Variants in PLD5 observed in about 807,000 individuals in gnomAD.
PLD5 encodes inactive phospholipase D5.
PLD5 carries 36 observed loss-of-function variants against 61.1 expected under a neutral mutation model. The ratio of observed to expected loss-of-function variants is 0.59; its 90% confidence interval spans 0.45 to 0.78. The LOEUF is 0.78. PLD5 is among the 30% of genes least tolerant of loss of function. The pLI is 0.00. For synonymous variants in PLD5, 243 were observed against 242.8 expected, an observed-to-expected ratio of 1.00 and a Z score of -0.01; for missense variants, 515 against 644.4, an observed-to-expected ratio of 0.80 and a Z score of 2.17.
intron 1 of PLD5, among the ~76,000 whole-genome samples, chr1:242,454,331 CA>C (rs34186124): frequency 0.091 from 11,636 of 127,990 alleles, 891 homozygotes; most frequent in African/African-American, 0.22. Flanking sequence ...GACTCCGTGT[CA>C]AAAAAAAAAA....
At chr1:242,454,753 G>A (rs1040841392) in intron 1 of PLD5, among the ~76,000 whole-genome samples, 1 of 152,176 alleles carries the variant, frequency 6.6e-6, no homozygotes, top group African/African-American at 2.4e-5. Flanking sequence ...GTAGATCAGA[G>A]TGTGTTCCAG....
intron 5 of PLD5, among the ~76,000 whole-genome samples, chr1:242,200,881 A>C (rs1162979191): frequency 4.6e-5 from 7 of 152,232 alleles, no homozygotes; most frequent in Non-Finnish European, 8.8e-5. Flanking sequence ...GTTTATTAAC[A>C]TGTTATGCGT....
intron 2 of PLD5, among the ~76,000 whole-genome samples, chr1:242,342,773 T>C (rs1659910141): frequency 6.6e-6 from 1 of 151,898 alleles, no homozygotes; most frequent in South Asian, 2.1e-4. Flanking sequence ...GGTCATTTAC[T>C]GGCAAAGATC....
At chr1:242,312,486 G>A (rs1676759921) in intron 2 of PLD5, among the ~76,000 whole-genome samples, 1 of 151,886 alleles carries the variant, frequency 6.6e-6, no homozygotes, top group Non-Finnish European at 1.5e-5. Context: ...GCTTCTTCTT[G>A]GGGTCTCACC....
chr1:242,460,407 C>T (rs12127140), intron 1 of PLD5, among the ~76,000 whole-genome samples: 27,429 of 152,124 alleles, frequency 0.18, 2,989 homozygotes, highest in Non-Finnish European at 0.24. Context: ...GAGAGAGCCC[C>T]GTTGCATTGC....
At chr1:242,145,024 CTA>C (rs1454825750) in intron 5 of PLD5, among the ~76,000 whole-genome samples, 1 of 152,170 alleles carries the variant, frequency 6.6e-6, no homozygotes, top group East Asian at 1.9e-4. Flanking sequence ...CTCAGAACAA[CTA>C]TGTTAGGTAG....
intron 1 of PLD5, among the ~76,000 whole-genome samples, chr1:242,469,592 C>G (rs1343822515): frequency 6.6e-6 from 1 of 152,204 alleles, no homozygotes; most frequent in East Asian, 1.9e-4. Context: ...CTCACTGTAA[C>G]CTTGAACTCC....
At chr1:242,108,290 T>C (rs72761224) in intron 7 of PLD5, among the ~76,000 whole-genome samples, 29,763 of 152,122 alleles carry the variant, frequency 0.2, 3,108 homozygotes, top group Non-Finnish European at 0.23. Context: ...CATCTGAGCT[T>C]CCCCACACTT....
intron 1 of PLD5, among the ~76,000 whole-genome samples, chr1:242,459,248 C>T (rs916250202): frequency 2.0e-5 from 3 of 152,290 alleles, no homozygotes; most frequent in African/African-American, 7.2e-5. Flanking sequence ...AGTAAAACGC[C>T]ATTTACAAGG....
chr1:242,233,035 T>A (rs1054161350), intron 4 of PLD5, among the ~76,000 whole-genome samples: 2 of 152,026 alleles, frequency 1.3e-5, no homozygotes, highest in African/African-American at 2.4e-5. Flanking sequence ...GAGCCTGTAA[T>A]CCCAGCTACT....
chr1:242,518,497 G>C (rs749364929), intron 1 of PLD5, among the ~76,000 whole-genome samples: 1 of 152,162 alleles, frequency 6.6e-6, no homozygotes, highest in South Asian at 2.1e-4. Flanking sequence ...AATTCAGTAA[G>C]AGAACATAAC....
chr1:242,369,932 A>C (rs1226259354), intron 1 of PLD5, among the ~76,000 whole-genome samples: 1 of 152,220 alleles, frequency 6.6e-6, no homozygotes, highest in Non-Finnish European at 1.5e-5. Flanking sequence ...CTAGAGAATG[A>C]CAGAACTGCC....
At chr1:242,150,502 C>T (rs1664852074) in intron 5 of PLD5, among the ~76,000 whole-genome samples, 3 of 151,742 alleles carry the variant, frequency 2.0e-5, no homozygotes, top group Admixed American at 2.0e-4. Flanking sequence ...GATGCATATA[C>T]ATTTAGGATT....
intron 4 of PLD5, among the ~76,000 whole-genome samples, chr1:242,246,640 T>C (rs1396998618): frequency 1.3e-5 from 2 of 152,182 alleles, no homozygotes; most frequent in Non-Finnish European, 2.9e-5. Context: ...ATAGCTTCTG[T>C]TTTGTAGACT....
intron 2 of PLD5, among the ~76,000 whole-genome samples, chr1:242,297,663 C>T (rs1211624019): frequency 2.9e-5 from 4 of 138,206 alleles, no homozygotes; most frequent in African/African-American, 5.5e-5. Context: ...GATGGAGTCT[C>T]GCTCTGTCGC....
At chr1:242,479,494 C>A (rs111285804) in intron 1 of PLD5, among the ~76,000 whole-genome samples, 1 of 151,898 alleles carries the variant, frequency 6.6e-6, no homozygotes, top group East Asian at 1.9e-4. Context: ...ACTGAAAAAC[C>A]ACTGCTGAAA....
At chr1:242,142,583 G>A (rs544968227) in intron 5 of PLD5, among the ~76,000 whole-genome samples, 21 of 152,300 alleles carry the variant, frequency 1.4e-4, no homozygotes, top group African/African-American at 3.1e-4. Context: ...ATGGGAAATC[G>A]TTAAATAGGA....
chr1:242,394,214 G>T (rs184411506), intron 1 of PLD5, among the ~76,000 whole-genome samples: 786 of 29,666 alleles, frequency 0.026, 216 homozygotes, highest in African/African-American at 0.059. Flanking sequence ...GTGTATATGA[G>T]TATATATATG....
chr1:242,192,002 A>G (rs1174630669), intron 5 of PLD5, among the ~76,000 whole-genome samples: 1 of 152,230 alleles, frequency 6.6e-6, no homozygotes, highest in Non-Finnish European at 1.5e-5. Flanking sequence ...GGCAGACAGC[A>G]GATGCGTAAC....
Sources: allele counts gnomAD v4.1 joint callset (sites outside exome capture counted in the v4.1 genomes callset), GRCh38; gene constraint gnomAD v4.1.1; transcripts MANE v1.5; gene names NCBI Gene and HGNC (gene_info 2026-07-23, HGNC 2026-07-21).